ADGRB1: variants seen among roughly 807,000 people sequenced by gnomAD.
The protein encoded by ADGRB1 is adhesion G protein-coupled receptor B1, also known as brain-specific angiogenesis inhibitor 1.
ADGRB1 carries 36 observed loss-of-function variants against 175.7 expected under a neutral mutation model. The observed-to-expected ratio is 0.20, with a 90% CI of 0.16 to 0.27. The LOEUF (loss-of-function observed/expected upper bound fraction) is 0.27, where lower values mean the gene tolerates loss of function less well. ADGRB1 is among the 10% of genes least tolerant of loss of function. The probability of loss-of-function intolerance (pLI) is 1.00; values close to 1 mark genes in which losing one functional copy is unlikely to be tolerated. For synonymous variants in ADGRB1, 1,054 were observed against 979.4 expected (o/e 1.08, Z -1.42); for missense variants, 1,731 against 2,255.3 (o/e 0.77, Z 4.71).
intron 2 of ADGRB1, among the ~76,000 whole-genome samples, chr8:142,471,798 C>T (rs1840679835): frequency 6.6e-6 from 1 of 152,222 alleles, no homozygotes; most frequent in African/African-American, 2.4e-5. Flanking sequence ...ACTTGGGCAC[C>T]TCCAGTAGGA....
At chr8:142,484,344 G>T (rs1007207570) in intron 12 of ADGRB1, among the ~76,000 whole-genome samples, 2 of 152,234 alleles carry the variant, frequency 1.3e-5, no homozygotes, top group African/African-American at 4.8e-5. Flanking sequence ...TGTTGGGGCA[G>T]TGGGCAGTGC....
intron 24 of ADGRB1, among the ~76,000 whole-genome samples, chr8:142,531,324 G>A (rs1415247484): frequency 6.6e-6 from 1 of 152,240 alleles, no homozygotes; most frequent in East Asian, 1.9e-4. Flanking sequence ...CTCATCACAG[G>A]CCCTGTGCCA....
At chr8:142,483,105 G>T (rs1841451982) in intron 11 of ADGRB1, among the ~76,000 whole-genome samples, 2 of 146,282 alleles carry the variant, frequency 1.4e-5, no homozygotes. Flanking sequence ...CCTGACCTTG[G>T]TCACCTGCTG....
At chr8:142,535,732 C>T (rs887458986) in intron 25 of ADGRB1, among the ~76,000 whole-genome samples, 1 of 152,118 alleles carries the variant, frequency 6.6e-6, no homozygotes, top group Non-Finnish European at 1.5e-5. Context: ...ACTTGGGGAG[C>T]CCCAGCTCCT....
chr8:142,491,668 G>A (rs532646247), intron 17 of ADGRB1, among the ~76,000 whole-genome samples: 1 of 152,206 alleles, frequency 6.6e-6, no homozygotes, highest in African/African-American at 2.4e-5. Context: ...CGCCTCCTCC[G>A]AGCGTGTTCC....
intron 1 of ADGRB1, among the ~76,000 whole-genome samples, chr8:142,451,652 G>A (rs1273701024): frequency 6.6e-6 from 1 of 152,094 alleles, no homozygotes; most frequent in Non-Finnish European, 1.5e-5. Flanking sequence ...TCTCCCCACA[G>A]ACACAAACAC....
rs1227767509 is a variant in ADGRB1 at position 142,522,066 on chromosome 8, C to T, written c.3126C>T (p.Gly1042=). Residue 1042 remains glycine (G), a synonymous_variant, in exon 21 of 31, where the codon GGC becomes GGT. Coordinates refer to ENST00000517894, the MANE Select transcript of ADGRB1 (RefSeq NM_001702.3). ...EAWQSYMAVT[G]HLRNRLIRKR... ...GGCAGTCCTACATGGCGGTGACGGG[C>T]CACCTCCGGAACCGCCTCATCCGCA... 1.9e-6 allele frequency: 3 copies of T among 1,612,550 alleles called. No individual in the cohort carries two copies. Among genetic ancestry groups the T allele is most frequent in the South Asian group, 2.2e-5 (2 of 91,050 alleles).
chr8:142,533,977 C>T (rs1844781370), intron 25 of ADGRB1, among the ~76,000 whole-genome samples: 1 of 152,240 alleles, frequency 6.6e-6, no homozygotes, highest in Admixed American at 6.5e-5. Flanking sequence ...CGTAGGACAC[C>T]TGCTTCCAGA....
intron 23 of ADGRB1, among the ~76,000 whole-genome samples, chr8:142,524,846 C>T (rs1844081917): frequency 6.6e-6 from 1 of 152,092 alleles, no homozygotes; most frequent in Non-Finnish European, 1.5e-5. Context: ...GCAGGGTCAC[C>T]GTCCTGGGGT....
intron 18 of ADGRB1, among the ~76,000 whole-genome samples, chr8:142,516,771 C>T (rs1336501469): frequency 6.6e-6 from 1 of 152,044 alleles, no homozygotes; most frequent in Non-Finnish European, 1.5e-5. Flanking sequence ...GCATGTCAGG[C>T]GTGTGGCCTG....
At chr8:142,476,893 C>T (rs1346506138) in intron 4 of ADGRB1, among the ~76,000 whole-genome samples, 198 bp downstream of exon 4, 2 of 152,128 alleles carry the variant, frequency 1.3e-5, no homozygotes, top group Non-Finnish European at 2.9e-5. Flanking sequence ...CCTGGCCAGA[C>T]CCCAGAGGCC....
chr8:142,490,682 A>T lies in ADGRB1; in HGVS notation c.2632-90A>T, dbSNP rs973350791. The stretch of plus-strand genomic sequence containing the variant: ...GACCCGCACAGGTAGCATGCCTGGT[A>T]GCACACCTTTAGGTGGGTCCCATGG... On this transcript the variant is annotated intron_variant, in intron 16 of 30. Coordinates refer to ENST00000517894, the MANE Select transcript of ADGRB1 (RefSeq NM_001702.3). 3.5e-6 allele frequency: 5 copies of T among 1,424,602 alleles called. No individual in the cohort carries two copies. In the African/African-American group the frequency reaches 5.7e-5, roughly 16 times the overall value. 88.2% of individuals were successfully genotyped at this position (1,424,602 alleles called of 1,614,324 possible).
At position 142,493,457 on chromosome 8, in the gene ADGRB1, C is replaced by T. The variant is rs1433260038; in HGVS notation, c.2675+2642C>T. Among the ~76,000 whole-genome samples the T allele has an allele frequency of 1.3e-5, 2 of 152,168 alleles. No homozygotes were observed. The highest frequency in any genetic ancestry group is 2.9e-5 in the Non-Finnish European group (2 of 68,020). The stretch of plus-strand genomic sequence containing the variant: ...AGGTGTGGGGAAGGCCCAGGACCCG[C>T]CAGTCACACCAGGTGTTCCACCCAC... On this transcript the variant is annotated intron_variant, in intron 17 of 30. Coordinates refer to ENST00000517894, the MANE Select transcript of ADGRB1 (RefSeq NM_001702.3). This position sits in a 1 kb window ranked among gnomAD's most constrained non-coding sequence, Gnocchi z 5.0.
At chr8:142,520,368 G>A (rs1843725189) in intron 19 of ADGRB1, among the ~76,000 whole-genome samples, 1 of 138,946 alleles carries the variant, frequency 7.2e-6, no homozygotes, top group Non-Finnish European at 1.6e-5. Flanking sequence ...TGATGGTGGT[G>A]ATGGTGGTGG....
intron 3 of ADGRB1, 146 bp downstream of exon 3, chr8:142,475,781 T>TG (rs1840931943): frequency 2.1e-4 from 1 of 4,864 alleles, no homozygotes; most frequent in African/African-American, 9.1e-4. Flanking sequence ...GGGAGGGGCT[T>TG]GGGGGCGGGA....
intron 17 of ADGRB1, among the ~76,000 whole-genome samples, chr8:142,503,182 T>A (rs1842705021): frequency 6.6e-6 from 1 of 151,824 alleles, no homozygotes; most frequent in East Asian, 1.9e-4. Context: ...ATGACACAGT[T>A]AAGGAACCAG....
intron 2 of ADGRB1, among the ~76,000 whole-genome samples, chr8:142,469,646 C>T (rs1475633844): frequency 1.0e-3 from 131 of 128,656 alleles, no homozygotes; most frequent in African/African-American, 3.6e-3. Context: ...TGTGCACGTG[C>T]GTGTGAACGC....
chr8:142,507,695 G>A lies in ADGRB1; in HGVS notation c.2676-3237G>A, dbSNP rs377572193. Among the ~76,000 whole-genome samples the A allele has an allele frequency of 8.5e-5, 13 of 152,324 alleles. No homozygotes were observed. In the East Asian group the frequency reaches 9.6e-4, roughly 11 times the overall value. On this transcript the variant is annotated intron_variant, in intron 17 of 30. Coordinates refer to ENST00000517894, the MANE Select transcript of ADGRB1 (RefSeq NM_001702.3). ...CCAGGCTGCTGGCCCCAGCCAGCCC[G>A]GCTCCCTGCACCCTCGAAGTGCTCC...
rs1225839350 is a variant in ADGRB1 at position 142,511,946 on chromosome 8, G to T, written c.2817+873G>T. On this transcript the variant is annotated intron_variant, in intron 18 of 30. Coordinates refer to ENST00000517894, the MANE Select transcript of ADGRB1 (RefSeq NM_001702.3). This position sits in a 1 kb window ranked among gnomAD's most constrained non-coding sequence, Gnocchi z 4.5. ...CACTTGGAGGGGACCTGTCCTTCCT[G>T]GGTGTTGGAGGTGGCATTGCTGGCC... 6.6e-6 allele frequency among the ~76,000 whole-genome samples: 1 copy of T among 152,208 alleles called. No homozygotes were observed. The highest frequency in any genetic ancestry group is 2.4e-5 in the African/African-American group (1 of 41,448).
Sources: gnomAD v4.1 joint callset for allele counts (sites outside exome capture counted in the v4.1 genomes callset) on GRCh38, gnomAD v4.1.1 for gene constraint, Gnocchi (gnomAD v3.1) non-coding constraint, MANE v1.5 for transcripts, NCBI Gene and HGNC (gene_info 2026-07-23, HGNC 2026-07-21) for gene names.